Variants in CCDC169 observed in about 807,000 individuals in gnomAD.
CCDC169 encodes coiled-coil domain containing 169.
Under a neutral mutation model 36.0 loss-of-function variants are expected in CCDC169, and 30 were observed. The observed-to-expected ratio is 0.83, with a 90% CI of 0.62 to 1.13. CCDC169 has a LOEUF of 1.13. CCDC169 is among the 50% of genes most tolerant of loss of function. CCDC169 has a pLI of 0.00. For synonymous variants in CCDC169, 85 were observed against 81.5 expected, an observed-to-expected ratio of 1.04 and a Z score of -0.23; for missense variants, 245 against 245.9, an observed-to-expected ratio of 1.00 and a Z score of 0.03.
intron 7 of CCDC169, among the ~76,000 whole-genome samples, chr13:36,234,955 A>G (rs578200304): frequency 5.3e-5 from 8 of 152,218 alleles, no homozygotes; most frequent in African/African-American, 1.9e-4. Context: ...TTTGTTTGTA[A>G]TTCTTCTTTT....
At chr13:36,255,654 C>A (rs540112801) in intron 4 of CCDC169, among the ~76,000 whole-genome samples, 13 of 75,254 alleles carry the variant, frequency 1.7e-4, no homozygotes, top group African/African-American at 4.6e-4. Flanking sequence ...CAGAGCAAGG[C>A]TCCATAAAAA....
intron 4 of CCDC169, chr13:36,274,213 T>C (rs1445082305): frequency 6.6e-6 from 1 of 152,142 alleles, no homozygotes; most frequent in Non-Finnish European, 1.5e-5. Flanking sequence ...AAACACATTA[T>C]AGATTTTGCA....
At chr13:36,288,966 T>A (rs1173581104) in intron 2 of CCDC169, among the ~76,000 whole-genome samples, 1 of 152,074 alleles carries the variant, frequency 6.6e-6, no homozygotes, top group Non-Finnish European at 1.5e-5. Flanking sequence ...TCCAAGCATG[T>A]AATAAATGGT....
intron 4 of CCDC169, among the ~76,000 whole-genome samples, chr13:36,269,421 T>C (rs1875755480): frequency 1.3e-5 from 2 of 152,152 alleles, no homozygotes; most frequent in African/African-American, 2.4e-5. Context: ...TAAATCATTC[T>C]ATGAAGCCAG....
At chr13:36,254,274 A>AATTTTTTTTTTTT (rs745490666) in intron 4 of CCDC169, 131 bp from the exon 5 acceptor site, 1 of 393,704 alleles carries the variant, frequency 2.5e-6, no homozygotes, top group African/African-American at 2.2e-5. Flanking sequence ...TATGATATGT[A>AATTTTTTTTTTTT]CTTTTTTTTT....
rs751327575 is a variant in CCDC169 at position 36,285,618 on chromosome 13, G to GATAGATAGATAGATAGATAC, written c.164-1917_164-1916insGTATCTATCTATCTATCTAT. Among the ~76,000 whole-genome samples, 411 of 133,572 alleles carry GATAGATAGATAGATAGATAC rather than the reference G, an allele frequency of 3.1e-3. 1 individual carries two copies. The highest frequency in any genetic ancestry group is 0.019 in the East Asian group (91 of 4,806). 87.6% of individuals were successfully genotyped at this position (133,572 alleles called of 152,430 possible). A position where few individuals can be genotyped will look rare whatever the true frequency, so the allele number is the denominator to read the frequency against. ...AGATAGATAGATAGATAGATAGATA[G>GATAGATAGATAGATAGATAC]ATACATAGATACATAGATACATAGA... On this transcript the variant is annotated intron_variant, in intron 2 of 7. Coordinates refer to ENST00000239859, the MANE Select transcript of CCDC169 (RefSeq NM_001144981.3).
At chr13:36,286,970 C>A (rs1211386013) in intron 2 of CCDC169, among the ~76,000 whole-genome samples, 2 of 152,280 alleles carry the variant, frequency 1.3e-5, no homozygotes, top group South Asian at 2.1e-4. Flanking sequence ...AACCAGGAAA[C>A]CAGTACTGAA....
At chr13:36,276,184 A>C (rs1366671718) in intron 4 of CCDC169, among the ~76,000 whole-genome samples, 1 of 152,204 alleles carries the variant, frequency 6.6e-6, no homozygotes, top group East Asian at 1.9e-4. Flanking sequence ...CAATCTACCT[A>C]CGATTCCAAA....
intron 4 of CCDC169, among the ~76,000 whole-genome samples, chr13:36,266,791 T>G (rs1875375153): frequency 6.6e-6 from 1 of 152,188 alleles, no homozygotes; most frequent in Non-Finnish European, 1.5e-5. Context: ...ATCAGTGCAA[T>G]CTTTATGAAG....
intron 4 of CCDC169, among the ~76,000 whole-genome samples, chr13:36,273,769 A>C (rs1381807426): frequency 6.6e-6 from 1 of 152,220 alleles, no homozygotes; most frequent in Non-Finnish European, 1.5e-5. Flanking sequence ...AAGCTTTATA[A>C]GCACCATGTG....
chr13:36,242,602 G>GT lies in CCDC169; in HGVS notation c.545+6003dup, dbSNP rs909444328. Among the ~76,000 whole-genome samples, 78 of 149,476 alleles carry GT rather than the reference G, an allele frequency of 5.2e-4. 1 individual carries two copies. The East Asian group carries it at 7.4e-3, about 14-fold the overall frequency. On this transcript the variant is annotated intron_variant, in intron 7 of 7. Coordinates refer to ENST00000239859, the MANE Select transcript of CCDC169 (RefSeq NM_001144981.3). ...GTTTATAGTTTCAGAGAGTGAACGG[G>GT]TTTTTTTTTTCCATTTGACCATTTA...
At chr13:36,259,905 C>T (rs373534025) in intron 4 of CCDC169, among the ~76,000 whole-genome samples, 2 of 152,152 alleles carry the variant, frequency 1.3e-5, no homozygotes, top group African/African-American at 2.4e-5. Flanking sequence ...AGGGACTGGG[C>T]GCAGGGAGGG....
At chr13:36,232,550 G>T (rs1299539045) in intron 7 of CCDC169, among the ~76,000 whole-genome samples, 1 of 152,040 alleles carries the variant, frequency 6.6e-6, no homozygotes, top group Non-Finnish European at 1.5e-5. Context: ...CCAGCACTTT[G>T]GGAGGCTAAG....
chr13:36,222,472 A>AG (rs1869666025), downstream of CCDC169: 1 of 152,202 alleles, frequency 6.6e-6, no homozygotes, highest in African/African-American at 2.4e-5. Context: ...GGTCAAGCAG[A>AG]GTGCCACACA....
At chr13:36,259,010 G>A (rs1874275521) in intron 4 of CCDC169, among the ~76,000 whole-genome samples, 1 of 152,122 alleles carries the variant, frequency 6.6e-6, no homozygotes, top group African/African-American at 2.4e-5. Flanking sequence ...GCCTGCAGAG[G>A]AATCCTGCTC....
chr13:36,227,319 C>A, downstream of CCDC169: 1 of 1,551,370 alleles, frequency 6.4e-7, no homozygotes, highest in Non-Finnish European at 8.7e-7. Context: ...ACCTGCAGCA[C>A]TGAAACCCAA....
chr13:36,240,705 G>GA (rs1262550253), intron 7 of CCDC169: 5 of 925,318 alleles, frequency 5.4e-6, no homozygotes, highest in Non-Finnish European at 7.4e-6. Flanking sequence ...TCACACTAAA[G>GA]AAAAAAATAA....
At position 36,283,822 on chromosome 13, in the gene CCDC169, A is replaced by G; in HGVS notation, c.164-120T>C. 3 of 733,912 alleles carry G rather than the reference A, an allele frequency of 4.1e-6. No homozygotes were observed. In the South Asian group the frequency reaches 5.7e-5, roughly 14 times the overall value. 45.5% of individuals were successfully genotyped at this position (733,912 alleles called of 1,614,324 possible). On this transcript the variant is annotated intron_variant, in intron 2 of 7. Transcript: ENST00000239859. ...ATATTTGACTTTATTGGCAATACAG[A>G]TCAACTAGAAGGAAATAGTTATTAA...
At chr13:36,248,367 A>G (rs191981585) in intron 7 of CCDC169, among the ~76,000 whole-genome samples, 17 of 151,906 alleles carry the variant, frequency 1.1e-4, no homozygotes. Context: ...AGTTTAAAAA[A>G]TAATATAATA....
Sources: gnomAD v4.1 joint callset for allele counts (sites outside exome capture counted in the v4.1 genomes callset) on GRCh38, gnomAD v4.1.1 for gene constraint, MANE v1.5 for transcripts, NCBI Gene and HGNC (gene_info 2026-07-23, HGNC 2026-07-21) for gene names.